Variants in ZCCHC4 observed in about 807,000 individuals in gnomAD.
ZCCHC4 encodes the protein zinc finger CCHC-type containing 4.
Under a neutral mutation model 67.7 loss-of-function variants are expected in ZCCHC4, and 54 were observed. The ratio of observed to expected loss-of-function variants is 0.80; its 90% CI spans 0.64 to 1.00. ZCCHC4 has a LOEUF of 1.00. Ranked by LOEUF, ZCCHC4 falls within the 50% of genes least tolerant of loss-of-function variation. The probability of loss-of-function intolerance (pLI) is 0.00; values close to 1 mark genes in which losing one functional copy is unlikely to be tolerated. For missense variants in ZCCHC4, 609 were observed against 617.0 expected, an observed-to-expected ratio of 0.99 and a Z score of 0.14; for synonymous variants, 198 against 213.5, an observed-to-expected ratio of 0.93 and a Z score of 0.63.
rs879588591 is a variant in ZCCHC4 at position 25,369,359 on chromosome 4, TCAGC to T, written c.*199_*202del. ...GGAGACATGGGGAGTTGTTCCATCT[TCAGC>T]CAGTTTACTAGTTCTTTCAGCATTC... On this transcript the variant is annotated 3_prime_UTR_variant, in exon 13 of 13. Transcript: ENST00000302874. 4.1e-5 allele frequency: 25 copies of T among 609,848 alleles called. No individual in the cohort carries two copies. The highest frequency in any genetic ancestry group is 6.6e-5 in the Non-Finnish European group (24 of 364,554). 37.8% of individuals were successfully genotyped at this position (609,848 alleles called of 1,614,324 possible). A position where few individuals can be genotyped will look rare whatever the true frequency, so the allele number is the denominator to read the frequency against.
At chr4:25,360,834 T>A (rs939699621) in intron 8 of ZCCHC4, among the ~76,000 whole-genome samples, 2 of 152,214 alleles carry the variant, frequency 1.3e-5, no homozygotes, top group African/African-American at 4.8e-5. Flanking sequence ...CTAGCCAAGG[T>A]GCTACTGCTG....
intron 3 of ZCCHC4, among the ~76,000 whole-genome samples, chr4:25,318,877 C>A (rs1254507313): frequency 6.6e-6 from 1 of 152,064 alleles, no homozygotes; most frequent in Non-Finnish European, 1.5e-5. Context: ...ATATCTTAAA[C>A]CATCTGTGAC....
intron 3 of ZCCHC4, among the ~76,000 whole-genome samples, chr4:25,330,603 A>G (rs921461395): frequency 6.6e-6 from 1 of 152,116 alleles, no homozygotes; most frequent in African/African-American, 2.4e-5. Context: ...CCAAATATTT[A>G]TTATCTGATC....
intron 8 of ZCCHC4, among the ~76,000 whole-genome samples, chr4:25,360,539 TG>T (rs1247588885): frequency 2.0e-5 from 3 of 152,228 alleles, no homozygotes; most frequent in Non-Finnish European, 2.9e-5. Flanking sequence ...ACAGACATTG[TG>T]CATACGACTT....
chr4:25,315,382 G>T lies in ZCCHC4; in HGVS notation c.311G>T (p.Arg104Leu), dbSNP rs779638177. Reference sequence around the variant, plus strand: ...CGAAGATGTCAGCCTCCCCTGTCCCGAACGCAGTGTGTGGAAAGGTACTGA... The same window carrying T: ...CGAAGATGTCAGCCTCCCCTGTCCCTAACGCAGTGTGTGGAAAGGTACTGA... ...HNRRCQPPLS[R>L]TQCVERYLKF... Residue 104 changes from arginine (R) to leucine (L), a missense_variant, in exon 3 of 13, where the codon CGA becomes CTA. Transcript: ENST00000302874. The T allele has an allele frequency of 6.8e-6, 11 of 1,611,832 alleles. No individual in the cohort carries two copies. The East Asian group carries it at 1.1e-4, about 16-fold the overall frequency.
intron 7 of ZCCHC4, 161 bp downstream of exon 7, chr4:25,349,803 T>C (rs3733546): frequency 0.07 from 47,937 of 684,686 alleles, 1,872 homozygotes; most frequent in East Asian, 0.12. Context: ...TTCATTATCA[T>C]GATATACTTT....
At chr4:25,315,232 C>A in intron 2 of ZCCHC4, 86 bp from the exon 3 acceptor site, 1 of 1,216,642 alleles carries the variant, frequency 8.2e-7, no homozygotes, top group Non-Finnish European at 1.1e-6. Flanking sequence ...GAATTTCTGA[C>A]TTCTTGATGT....
Position 25,361,965 on chromosome 4 carries a change from CT to C in ZCCHC4, c.1119del (p.Glu374LysfsTer16), listed in dbSNP as rs1560417118. 1 of 1,613,944 alleles carries C rather than the reference CT, an allele frequency of 6.2e-7. No individual in the cohort carries two copies. The highest frequency in any genetic ancestry group is 2.2e-5 in the East Asian group (1 of 44,874). ...CCGCCCAACAAAATAATCCTTCCTA[CT>C]GAAGAAGGGTACAGGTAAGATCACA... ...NIPPNKIILP[T>X]EEGYRFCSPC... On this transcript the variant is annotated frameshift_variant, in exon 9 of 13. Transcript: ENST00000302874. LOFTEE classifies it high-confidence loss of function.
chr4:25,345,702 A>G, intron 6 of ZCCHC4, 82 bp downstream of exon 6: 1 of 928,784 alleles, frequency 1.1e-6, no homozygotes, highest in Non-Finnish European at 1.7e-6. Context: ...CTTTTTCTAA[A>G]TTCCCTCAAG....
chr4:25,326,766 A>G (rs1164148235), intron 3 of ZCCHC4, among the ~76,000 whole-genome samples: 1 of 152,138 alleles, frequency 6.6e-6, no homozygotes, highest in East Asian at 1.9e-4. Context: ...TGTTGATTTT[A>G]TAGATACATT....
chr4:25,312,913 TC>T lies in ZCCHC4; in HGVS notation c.108del (p.Ala37ProfsTer13). ...MEVVLPLDPA[V>X]PAPLCPHGPT... is the part of the protein sequence containing the mutation. Reference sequence around the variant, plus strand: ...GTGGTGCTTCCTTTGGATCCTGCCGTCCCCGCCCCGCTGTGCCCTCACGGTG... The same window carrying T: ...GTGGTGCTTCCTTTGGATCCTGCCGTCCCGCCCCGCTGTGCCCTCACGGTG... On this transcript the variant is annotated frameshift_variant, in exon 1 of 13. Transcript: ENST00000302874. LOFTEE classifies it high-confidence loss of function. 6.2e-7 allele frequency: 1 copy of T among 1,612,016 alleles called. No individual in the cohort carries two copies. The highest frequency in any genetic ancestry group is 8.5e-7 in the Non-Finnish European group (1 of 1,179,752).
At chr4:25,348,836 A>T (rs1720146610) in intron 6 of ZCCHC4, among the ~76,000 whole-genome samples, 1 of 152,174 alleles carries the variant, frequency 6.6e-6, no homozygotes, top group Non-Finnish European at 1.5e-5. Flanking sequence ...CTTATAGCAA[A>T]AACCATTAAA....
rs746402200 is a variant in ZCCHC4 at position 25,333,248 on chromosome 4, T to A, written c.395T>A (p.Leu132Ter). 2 of 1,614,176 alleles carry A rather than the reference T, an allele frequency of 1.2e-6. No homozygotes were observed. Residue 132 changes from leucine to a stop codon, truncating the protein, a stop_gained, in exon 4 of 13, where the codon TTG (leucine) becomes TAG (stop). Transcript: ENST00000302874. LOFTEE classifies it high-confidence loss of function. ...RKFCQTCQQLLLPDDWGQHSE... is the reference protein window; with the variant it reads ...RKFCQTCQQL ...TTTTGTCAAACATGTCAGCAGTTGT[T>A]GTTACCAGATGACTGGGGGCAACAT...
chr4:25,361,541 G>T (rs1720736664), intron 8 of ZCCHC4, among the ~76,000 whole-genome samples: 1 of 152,224 alleles, frequency 6.6e-6, no homozygotes, highest in African/African-American at 2.4e-5. Context: ...GTCTGTAAAA[G>T]GTATAATTAC....
intron 3 of ZCCHC4, among the ~76,000 whole-genome samples, chr4:25,328,862 T>A (rs1004632457): frequency 2.0e-5 from 3 of 152,164 alleles, no homozygotes; most frequent in Admixed American, 2.0e-4. Flanking sequence ...GGATTACAGG[T>A]GTGACCCACT....
chr4:25,368,504 G>A (rs184077947), intron 12 of ZCCHC4, among the ~76,000 whole-genome samples: 1 of 152,178 alleles, frequency 6.6e-6, no homozygotes, highest in African/African-American at 2.4e-5. Flanking sequence ...ATAACCCTGC[G>A]TGGCACTTGT....
chr4:25,348,540 G>C (rs1403937879), intron 6 of ZCCHC4, among the ~76,000 whole-genome samples: 1 of 152,018 alleles, frequency 6.6e-6, no homozygotes. Context: ...CTTTTTTCTT[G>C]TCATTATTCC....
chr4:25,353,594 G>A (rs1287110501), intron 8 of ZCCHC4, among the ~76,000 whole-genome samples: 1 of 152,232 alleles, frequency 6.6e-6, no homozygotes, highest in Non-Finnish European at 1.5e-5. Context: ...CTAGTGCAAT[G>A]TTTGGCACAC....
At chr4:25,365,665 A>C in intron 12 of ZCCHC4, 1 of 984,912 alleles carries the variant, frequency 1.0e-6, no homozygotes, top group Non-Finnish European at 1.2e-6. Context: ...ATGCTTAAAT[A>C]TTTGAAATTT....
Sources: gnomAD v4.1 joint callset for allele counts (sites outside exome capture counted in the v4.1 genomes callset) on GRCh38, gnomAD v4.1.1 for gene constraint, MANE v1.5 for transcripts, NCBI Gene and HGNC (gene_info 2026-07-23, HGNC 2026-07-21) for gene names.